The following ATG4B variants were observed in gnomAD, a reference collection of about 807,000 sequenced individuals.
ATG4B encodes autophagy related 4B cysteine peptidase.
In ATG4B, 29 loss-of-function variants were observed where a neutral mutation model predicts 56.6. The observed-to-expected ratio is 0.51, with a 90% CI of 0.38 to 0.70. The LOEUF (loss-of-function observed/expected upper bound fraction) is 0.70. Ranked by LOEUF, ATG4B falls within the 30% of genes least tolerant of loss-of-function variation. The pLI is 0.00. For missense variants in ATG4B, 461 were observed against 515.5 expected (o/e 0.89, Z 1.02); for synonymous variants, 224 against 206.1 (o/e 1.09, Z -0.74).
At chr2:241,655,702 C>A (rs917959887) in intron 6 of ATG4B, among the ~76,000 whole-genome samples, 2 of 152,146 alleles carry the variant, frequency 1.3e-5, no homozygotes, top group African/African-American at 2.4e-5. Context: ...GGCTGCCCTC[C>A]GCGGGCCTTG....
At chr2:241,645,191 GC>G (rs1220183027) in intron 1 of ATG4B, among the ~76,000 whole-genome samples, 5 of 152,110 alleles carry the variant, frequency 3.3e-5, no homozygotes, top group Admixed American at 3.3e-4. Context: ...ACAGTGTGGG[GC>G]CCCTAGAGTA....
chr2:241,655,738 G>C (rs1330929512), intron 6 of ATG4B, among the ~76,000 whole-genome samples: 26 of 152,120 alleles, frequency 1.7e-4, no homozygotes, highest in Admixed American at 1.7e-3. Flanking sequence ...ACTCTACCCG[G>C]AGACTCCCTG....
Position 241,668,480 on chromosome 2 carries a change from C to T in ATG4B, c.812-60C>T, listed in dbSNP as rs1366578818. 4.5e-6 allele frequency: 7 copies of T among 1,571,394 alleles called. No homozygotes were observed. Among genetic ancestry groups the T allele is most frequent in the Admixed American group, 1.8e-5 (1 of 55,466 alleles). ...TGCAGTGGGTCTGAAATGCGGCCTCCTCTGTCCCTTTCCTCTGCCGGCTCG... is the reference window on the plus strand; with the variant it reads ...TGCAGTGGGTCTGAAATGCGGCCTCTTCTGTCCCTTTCCTCTGCCGGCTCG... On this transcript the variant is annotated intron_variant, in intron 9 of 12. Coordinates refer to ENST00000404914, the MANE Select transcript of ATG4B (RefSeq NM_013325.5). The surrounding 1 kb of genome is among the most constrained non-coding windows in gnomAD (Gnocchi z 4.2).
In ATG4B at chr2:241,670,712, T is replaced by A. The variant is rs1208991305; in HGVS notation, c.958-14T>A. Reference sequence around the variant, plus strand: ...TGGGGGTGTCGTGTTCTGCTCATCGTCATTTCGTTTTAGGGGTTTTTCTGT... The same window carrying A: ...TGGGGGTGTCGTGTTCTGCTCATCGACATTTCGTTTTAGGGGTTTTTCTGT... On this transcript the variant is annotated splice_polypyrimidine_tract_variant and intron_variant, in intron 10 of 12. Transcript: ENST00000404914. The A allele has an allele frequency of 6.2e-7, 1 of 1,605,716 alleles. No individual in the cohort carries two copies. The highest frequency in any genetic ancestry group is 1.7e-5 in the Admixed American group (1 of 58,512).
At chr2:241,639,573 A>G (rs1353469390) in intron 1 of ATG4B, among the ~76,000 whole-genome samples, 3 of 152,168 alleles carry the variant, frequency 2.0e-5, no homozygotes, top group Admixed American at 6.5e-5. Flanking sequence ...GACTACACTT[A>G]ACACTGACAA....
chr2:241,637,772 A>G lies in ATG4B; in HGVS notation c.10+48A>G, dbSNP rs553866469. On this transcript the variant is annotated intron_variant, in intron 1 of 12. Coordinates refer to ENST00000404914, the MANE Select transcript of ATG4B (RefSeq NM_013325.5). The stretch of plus-strand genomic sequence containing the variant: ...TCTTTCCGCAGGAGGTGCTCGCCTT[A>G]TCATTGGCCTCCCCTGCTCGGGTCG... The G allele has an allele frequency of 1.1e-4, 164 of 1,548,622 alleles. 2 individuals are homozygous for G. In the South Asian group the frequency reaches 1.7e-3, roughly 16 times the overall value.
intron 7 of ATG4B, among the ~76,000 whole-genome samples, chr2:241,661,612 C>A (rs1174792620): frequency 6.6e-6 from 1 of 152,234 alleles, no homozygotes; most frequent in East Asian, 1.9e-4. Flanking sequence ...TAGGAGAAGA[C>A]TGATGCCATT....
chr2:241,671,811 G>T (rs926373811), intron 12 of ATG4B: 1 of 1,276,200 alleles, frequency 7.8e-7, no homozygotes, highest in Non-Finnish European at 1.0e-6. Flanking sequence ...GAGCCGGCCT[G>T]GGCTCGTGCA....
At chr2:241,653,760 G>C (rs556737954) in intron 4 of ATG4B, 150 bp downstream of exon 4, 2 of 680,534 alleles carry the variant, frequency 2.9e-6, no homozygotes, top group East Asian at 5.7e-5. Context: ...TGTTTTTCTT[G>C]ATTTAAAAAA....
intron 6 of ATG4B, among the ~76,000 whole-genome samples, chr2:241,656,415 T>A (rs1406030810): frequency 2.0e-5 from 3 of 151,668 alleles, no homozygotes; most frequent in Non-Finnish European, 4.4e-5. Context: ...CCCTTCAGAG[T>A]CCTCTGTCCA....
Position 241,668,296 on chromosome 2 carries a change from C to G in ATG4B, c.811+75C>G. ...GCATTCCATGAGCAGGTACCACACC[C>G]CAGGTGACCACTTGAGGCCACTGGT... is the stretch of plus-strand genomic sequence containing the variant. On this transcript the variant is annotated intron_variant, in intron 9 of 12. Coordinates refer to ENST00000404914, the MANE Select transcript of ATG4B (RefSeq NM_013325.5). The surrounding 1 kb of genome is among the most constrained non-coding windows in gnomAD (Gnocchi z 4.2). The G allele has an allele frequency of 6.7e-7, 1 of 1,501,652 alleles. No homozygotes were observed. Among genetic ancestry groups the G allele is most frequent in the Non-Finnish European group, 9.1e-7 (1 of 1,102,420 alleles). The allele number at this position is 1,501,652 out of a possible 1,614,324, so 93.0% of individuals were successfully genotyped here. A position where few individuals can be genotyped will look rare whatever the true frequency, so the allele number is the denominator to read the frequency against.
Position 241,668,262 on chromosome 2 carries a change from C to T in ATG4B, c.811+41C>T, listed in dbSNP as rs1283887631. On this transcript the variant is annotated intron_variant, in intron 9 of 12. Transcript: ENST00000404914. This position sits in a 1 kb window ranked among gnomAD's most constrained non-coding sequence, Gnocchi z 4.2. ...CCACCGTGTCCCTGTGGGCCTGGGC[C>T]TTTTAAGGGCATTCCATGAGCAGGT... The T allele has an allele frequency of 5.8e-6, 9 of 1,554,062 alleles. No homozygotes were observed. The highest frequency in any genetic ancestry group is 1.2e-5 in the South Asian group (1 of 84,318).
rs1384497129 is a variant in ATG4B, at chr2:241,666,713, T to A, written c.607T>A (p.Cys203Ser). The change falls in exon 8 of 13, where the codon TGC (cysteine) becomes AGC (serine). Residue 203 changes from cysteine to serine, a missense_variant. Transcript: ENST00000404914. ...TAFPADSDRHCNGFPAGAEVT... is the reference protein window; with the variant it reads ...TAFPADSDRHSNGFPAGAEVT... Reference sequence around the variant, plus strand: ...GTTTCCTGCAGATTCCGACCGGCACTGCAACGGATTCCCTGCCGGAGCTGA... The same window carrying A: ...GTTTCCTGCAGATTCCGACCGGCACAGCAACGGATTCCCTGCCGGAGCTGA... 38 of 1,612,720 alleles carry A rather than the reference T, an allele frequency of 2.4e-5. No homozygotes were observed. Among genetic ancestry groups the A allele is most frequent in the Admixed American group, 3.3e-5 (2 of 59,842 alleles).
intron 1 of ATG4B, among the ~76,000 whole-genome samples, chr2:241,648,508 T>C (rs1462859413): frequency 1.3e-5 from 2 of 151,824 alleles, no homozygotes; most frequent in South Asian, 2.1e-4. Context: ...GACCGGAGAA[T>C]TGATTGAGCC....
intron 12 of ATG4B, 146 bp from the exon 13 acceptor site, chr2:241,672,045 C>T (rs1575096646): frequency 1.4e-6 from 2 of 1,454,252 alleles, no homozygotes; most frequent in Non-Finnish European, 1.8e-6. Flanking sequence ...CTGCACAACC[C>T]CCGGACCTGT....
At position 241,668,001 on chromosome 2, in the gene ATG4B, C is replaced by G. The variant is rs2068832376; in HGVS notation, c.733-142C>G. Reference sequence around the variant, plus strand: ...CCTGTGGTCTTTCCTGGACAGTAAGCTCTTTGGTACCATGTCCCCTCCTGT... The same window carrying G: ...CCTGTGGTCTTTCCTGGACAGTAAGGTCTTTGGTACCATGTCCCCTCCTGT... On this transcript the variant is annotated intron_variant, in intron 8 of 12. Transcript: ENST00000404914. The surrounding 1 kb of genome is among the most constrained non-coding windows in gnomAD (Gnocchi z 4.2). 1.7e-5 allele frequency: 12 copies of G among 711,364 alleles called. No individual in the cohort carries two copies. In the South Asian group the frequency reaches 2.3e-4, roughly 13 times the overall value. 44.1% of individuals were successfully genotyped at this position (711,364 alleles called of 1,614,324 possible).
chr2:241,640,171 A>T (rs2067841593), intron 1 of ATG4B, among the ~76,000 whole-genome samples: 1 of 152,206 alleles, frequency 6.6e-6, no homozygotes, highest in Admixed American at 6.5e-5. Context: ...ACATGGCGAT[A>T]CTTTATTTTA....
In ATG4B at chr2:241,653,644, C is replaced by T. The variant is rs139395311; in HGVS notation, c.283+34C>T. 4.8e-4 allele frequency: 750 copies of T among 1,547,824 alleles called. 6 individuals are homozygous for T. The East Asian group carries it at 0.013, about 27-fold the overall frequency. ...CAGCCCTGGGGAGGGCGCATGGCCA[C>T]GGTGTTCTCAGGAAGCAAAGGGGAC... On this transcript the variant is annotated intron_variant, in intron 4 of 12. Coordinates refer to ENST00000404914, the MANE Select transcript of ATG4B (RefSeq NM_013325.5).
At chr2:241,638,366 A>G (rs184988207) in intron 1 of ATG4B, 1 of 149,182 alleles carries the variant, frequency 6.7e-6, no homozygotes, top group East Asian at 2.1e-4. Flanking sequence ...AGAGAAAGAG[A>G]AGGAGTGTGT....
Sources: allele counts gnomAD v4.1 joint callset (sites outside exome capture counted in the v4.1 genomes callset), GRCh38; gene constraint gnomAD v4.1.1; non-coding constraint Gnocchi (gnomAD v3.1); transcripts MANE v1.5; gene names NCBI Gene and HGNC (gene_info 2026-07-23, HGNC 2026-07-21).